SPAG16: variants seen among roughly 807,000 people sequenced by gnomAD.
The protein encoded by SPAG16 is sperm associated antigen 16, also known as sperm-associated antigen 16 protein.
In SPAG16, 86 loss-of-function variants were observed where a neutral mutation model predicts 80.4. That is an observed-to-expected ratio of 1.07 (90% CI 0.90 to 1.28). SPAG16 has a LOEUF of 1.28. Ranked by LOEUF, SPAG16 falls within the 50% of genes most tolerant of loss-of-function variation. The pLI is 0.00. For missense variants in SPAG16, 870 were observed against 765.3 expected, an observed-to-expected ratio of 1.14 and a Z score of -1.61; for synonymous variants, 294 against 265.9, an observed-to-expected ratio of 1.11 and a Z score of -1.03.
chr2:214,035,271 T>C (rs1296173809), intron 13 of SPAG16, among the ~76,000 whole-genome samples: 1 of 152,108 alleles, frequency 6.6e-6, no homozygotes, highest in East Asian at 1.9e-4. Flanking sequence ...CCCACTCGCG[T>C]CCATGGGCCC....
intron 13 of SPAG16, among the ~76,000 whole-genome samples, chr2:214,037,900 T>A (rs189393952): frequency 1.5e-4 from 23 of 151,260 alleles, no homozygotes; most frequent in African/African-American, 5.4e-4. Flanking sequence ...TGTGTGTGTG[T>A]GTGTGTGTGT....
chr2:213,651,302 A>G (rs533377067), intron 10 of SPAG16, among the ~76,000 whole-genome samples: 1 of 152,302 alleles, frequency 6.6e-6, no homozygotes, highest in East Asian at 1.9e-4. Flanking sequence ...AAGGAAAAAG[A>G]AGGATGTAAA....
chr2:214,255,259 G>A (rs1559158945), intron 15 of SPAG16, among the ~76,000 whole-genome samples: 1 of 151,902 alleles, frequency 6.6e-6, no homozygotes. Context: ...TTCCTTCAGG[G>A]AACACATTCT....
At chr2:214,368,234 T>A (rs533261334) in intron 15 of SPAG16, among the ~76,000 whole-genome samples, 23 of 152,218 alleles carry the variant, frequency 1.5e-4, no homozygotes, top group African/African-American at 5.5e-4. Context: ...TCTGTTCAGA[T>A]ATCCCATGTT....
chr2:214,063,828 A>G (rs1326225543), intron 13 of SPAG16, among the ~76,000 whole-genome samples: 1 of 152,196 alleles, frequency 6.6e-6, no homozygotes, highest in Non-Finnish European at 1.5e-5. Context: ...TTAATAATAC[A>G]TAAATTACTT....
At chr2:214,207,202 G>T (rs546745340) in intron 15 of SPAG16, among the ~76,000 whole-genome samples, 1 of 152,190 alleles carries the variant, frequency 6.6e-6, no homozygotes, top group South Asian at 2.1e-4. Context: ...TGCTTGCCCT[G>T]GGTGCCAGAA....
At chr2:213,801,884 G>A (rs1383048449) in intron 10 of SPAG16, among the ~76,000 whole-genome samples, 1 of 152,166 alleles carries the variant, frequency 6.6e-6, no homozygotes, top group Non-Finnish European at 1.5e-5. Context: ...TATTTGATAA[G>A]TTTGAGTTTG....
intron 10 of SPAG16, among the ~76,000 whole-genome samples, chr2:213,607,271 TTC>T (rs1269020616): frequency 1.3e-5 from 2 of 152,232 alleles, no homozygotes; most frequent in African/African-American, 4.8e-5. Flanking sequence ...AGTAAAATAT[TTC>T]TTTCCTTGTA....
chr2:213,352,241 G>A (rs2065374485), intron 7 of SPAG16, among the ~76,000 whole-genome samples: 1 of 151,374 alleles, frequency 6.6e-6, no homozygotes. Context: ...TCATAGTGGT[G>A]TGAGAATGAA....
At chr2:213,634,772 A>T (rs1253837821) in intron 10 of SPAG16, among the ~76,000 whole-genome samples, 4 of 151,736 alleles carry the variant, frequency 2.6e-5, no homozygotes, top group African/African-American at 9.7e-5. Flanking sequence ...TTCCTCCCGA[A>T]CCCTCAAAGT....
At chr2:213,840,735 G>A (rs867932239) in intron 10 of SPAG16, among the ~76,000 whole-genome samples, 12 of 152,226 alleles carry the variant, frequency 7.9e-5, no homozygotes, top group Middle Eastern at 3.4e-3. Flanking sequence ...TAGTGAGATG[G>A]GGGTGGCATG....
intron 15 of SPAG16, among the ~76,000 whole-genome samples, chr2:214,409,272 G>A (rs1208020682): frequency 6.6e-6 from 1 of 151,734 alleles, no homozygotes; most frequent in Non-Finnish European, 1.5e-5. Flanking sequence ...TGCCTTCTAA[G>A]TATGATTAAA....
chr2:214,027,684 C>T (rs546275779), intron 13 of SPAG16, among the ~76,000 whole-genome samples: 1 of 151,890 alleles, frequency 6.6e-6, no homozygotes, highest in East Asian at 1.9e-4. Context: ...TATCCTGTCA[C>T]TGTTTTAGTA....
intron 10 of SPAG16, among the ~76,000 whole-genome samples, chr2:213,620,579 A>C (rs2061746603): frequency 6.6e-6 from 1 of 152,084 alleles, no homozygotes; most frequent in South Asian, 2.1e-4. Context: ...GGCATGAGCC[A>C]CTGCGCCTGG....
intron 10 of SPAG16, among the ~76,000 whole-genome samples, chr2:213,574,920 G>A (rs1043524510): frequency 1.6e-4 from 24 of 151,874 alleles, no homozygotes; most frequent in Non-Finnish European, 2.8e-4. Context: ...TCTGCAGTTT[G>A]CCTTCCCATT....
intron 4 of SPAG16, among the ~76,000 whole-genome samples, chr2:213,314,893 T>C (rs1375253227): frequency 6.6e-6 from 1 of 151,988 alleles, no homozygotes; most frequent in African/African-American, 2.4e-5. Context: ...TCCTGTTTTA[T>C]GAATTGTGGC....
At position 214,268,140 on chromosome 2, in the gene SPAG16, GT is replaced by G. The variant is rs1357293241; in HGVS notation, c.1720+118876del. On this transcript the variant is annotated intron_variant, in intron 15 of 15. Coordinates refer to ENST00000331683, the MANE Select transcript of SPAG16 (RefSeq NM_024532.5). ...CACAATGAGAGATTGCCTCACACCTGTTAGGGCAACTATTATCAAAAGATAA... is the reference window on the plus strand; with the variant it reads ...CACAATGAGAGATTGCCTCACACCTGTAGGGCAACTATTATCAAAAGATAA... Among the ~76,000 whole-genome samples, 3 of 151,068 alleles carry G rather than the reference GT, an allele frequency of 2.0e-5. No individual in the cohort carries two copies. The East Asian group carries it at 5.8e-4, about 29-fold the overall frequency.
intron 15 of SPAG16, among the ~76,000 whole-genome samples, chr2:214,261,774 T>C (rs1193026674): frequency 6.6e-6 from 1 of 152,144 alleles, no homozygotes; most frequent in Non-Finnish European, 1.5e-5. Context: ...ATAATTACAG[T>C]CAAGAGTTTA....
chr2:214,078,685 G>A (rs535668385), intron 13 of SPAG16, among the ~76,000 whole-genome samples: 6 of 151,940 alleles, frequency 3.9e-5, no homozygotes, highest in African/African-American at 1.2e-4. Context: ...GTATATTTCT[G>A]TGAAAAAATA....
Sources: allele counts gnomAD v4.1 joint callset (sites outside exome capture counted in the v4.1 genomes callset), GRCh38; gene constraint gnomAD v4.1.1; transcripts MANE v1.5; gene names NCBI Gene and HGNC (gene_info 2026-07-23, HGNC 2026-07-21).